The following SND1 variants were observed in gnomAD, a reference collection of about 807,000 sequenced individuals.
The protein encoded by SND1 is staphylococcal nuclease and tudor domain containing 1, also known as staphylococcal nuclease domain-containing protein 1.
In SND1, 38 loss-of-function variants were observed where a neutral mutation model predicts 121.7. The ratio of observed to expected loss-of-function variants is 0.31; its 90% CI spans 0.24 to 0.41. The LOEUF (loss-of-function observed/expected upper bound fraction) is 0.41, where lower values mean the gene tolerates loss of function less well. Ranked by LOEUF, SND1 falls within the 10% of genes least tolerant of loss-of-function variation. The pLI is 1.00. For missense variants in SND1, 868 were observed against 1,184.6 expected, an observed-to-expected ratio of 0.73 and a Z score of 3.92; for synonymous variants, 401 against 447.4, an observed-to-expected ratio of 0.90 and a Z score of 1.31.
At chr7:128,041,117 CA>C (rs1056905070) in intron 16 of SND1, among the ~76,000 whole-genome samples, 1 of 152,076 alleles carries the variant, frequency 6.6e-6, no homozygotes, top group African/African-American at 2.4e-5. Context: ...CATCTTTGAG[CA>C]AAAGGACAAG....
intron 10 of SND1, among the ~76,000 whole-genome samples, chr7:127,767,447 A>G (rs1445786045): frequency 6.6e-6 from 1 of 152,226 alleles, no homozygotes; most frequent in East Asian, 1.9e-4. Flanking sequence ...ATATAGTTTG[A>G]TAAAATGCAA....
At chr7:127,839,020 G>A (rs1798916960) in intron 11 of SND1, among the ~76,000 whole-genome samples, 1 of 152,188 alleles carries the variant, frequency 6.6e-6, no homozygotes, top group Non-Finnish European at 1.5e-5. Context: ...GAGAAGTTAG[G>A]TCGCTTATCT....
rs572291968 is a variant in SND1 at position 127,861,898 on chromosome 7, G to A, written c.1343+17474G>A. On this transcript the variant is annotated intron_variant, in intron 12 of 23. Transcript: ENST00000354725. The stretch of plus-strand genomic sequence containing the variant: ...TGGAGTGTATAGGCAGAGCATGGCC[G>A]TGTCCACCTGTGCCAGGTTTTTGTT... Among the ~76,000 whole-genome samples the A allele has an allele frequency of 2.6e-4, 39 of 152,334 alleles. 1 individual carries two copies. Among genetic ancestry groups the A allele is most frequent in the African/African-American group, 6.5e-4 (27 of 41,576 alleles).
At chr7:127,888,048 A>G (rs1799944029) in intron 13 of SND1, 36 bp downstream of exon 13, 1 of 1,451,382 alleles carries the variant, frequency 6.9e-7, no homozygotes. Context: ...TGGGGAACCC[A>G]CACCCTCACT....
intron 12 of SND1, chr7:127,858,148 G>A: frequency 1.2e-6 from 1 of 835,394 alleles, no homozygotes; most frequent in Non-Finnish European, 2.1e-6. Flanking sequence ...TGGGGGTGTG[G>A]GATTGTGGGG....
chr7:127,656,154 A>G (rs1262413938), intron 1 of SND1, among the ~76,000 whole-genome samples: 2 of 152,172 alleles, frequency 1.3e-5, no homozygotes, highest in Non-Finnish European at 2.9e-5. Flanking sequence ...TTCTCCTTCA[A>G]TGGGACTTGT....
At chr7:127,903,938 T>A (rs1486461713) in intron 13 of SND1, among the ~76,000 whole-genome samples, 4 of 152,214 alleles carry the variant, frequency 2.6e-5, no homozygotes, top group African/African-American at 9.6e-5. Flanking sequence ...CTCAGAACTC[T>A]TACCTGCTGA....
chr7:127,684,145 T>C (rs1345200809), intron 1 of SND1, among the ~76,000 whole-genome samples: 4 of 152,196 alleles, frequency 2.6e-5, no homozygotes, highest in Admixed American at 2.6e-4. Context: ...CTCAGTTTGA[T>C]TTGTCAGGCT....
At chr7:127,772,533 A>G (rs1797533254) in intron 10 of SND1, among the ~76,000 whole-genome samples, 2 of 145,914 alleles carry the variant, frequency 1.4e-5, no homozygotes, top group Non-Finnish European at 1.5e-5. Context: ...GTAGAGCTCT[A>G]CTCCTAAAAC....
At chr7:127,938,505 A>G (rs1294013320) in intron 15 of SND1, among the ~76,000 whole-genome samples, 1 of 152,200 alleles carries the variant, frequency 6.6e-6, no homozygotes, top group Non-Finnish European at 1.5e-5. Context: ...TGAATGGAAA[A>G]GTTTTCCTCA....
chr7:127,839,398 C>G (rs1432854928), intron 11 of SND1, among the ~76,000 whole-genome samples: 4 of 152,302 alleles, frequency 2.6e-5, no homozygotes, highest in Non-Finnish European at 5.9e-5. Flanking sequence ...AAACTAAGCT[C>G]AGGCTACAAC....
At chr7:127,752,234 G>A (rs967502222) in intron 10 of SND1, among the ~76,000 whole-genome samples, 1 of 152,050 alleles carries the variant, frequency 6.6e-6, no homozygotes, top group Non-Finnish European at 1.5e-5. Context: ...TTCACTCTCT[G>A]TGGTGTCTTG....
In SND1 at chr7:127,887,906, A is replaced by G; in HGVS notation, c.1348A>G (p.Ile450Val). The change falls in exon 13 of 24, where the codon ATT (isoleucine) becomes GTT (valine). Residue 450 changes from isoleucine (I) to valine (V), a missense_variant. This residue lies in a region of SND1 where 743 missense variants were observed against 1,071.3 expected (regional missense o/e 0.69). Coordinates refer to ENST00000354725, the MANE Select transcript of SND1 (RefSeq NM_014390.4). ...GACCTATCTTTTCTGTTGCAGAAAC[A>G]TTGCTGAGGCTCTTGTCAGCAAAGG... is the stretch of plus-strand genomic sequence containing the variant. ...CATVTIGGIN[I>V]AEALVSKGLA... 6.2e-7 allele frequency: 1 copy of G among 1,609,932 alleles called. No individual in the cohort carries two copies. The highest frequency in any genetic ancestry group is 8.5e-7 in the Non-Finnish European group (1 of 1,177,126).
At chr7:127,718,551 C>T in intron 9 of SND1, 2 of 985,280 alleles carry the variant, frequency 2.0e-6, no homozygotes, top group Non-Finnish European at 1.2e-6. Context: ...GCTTAGCTGG[C>T]AGTGGCAGAG....
chr7:127,654,446 C>T (rs1795177242), intron 1 of SND1, among the ~76,000 whole-genome samples: 1 of 152,310 alleles, frequency 6.6e-6, no homozygotes, highest in South Asian at 2.1e-4. Flanking sequence ...GGCACATGCT[C>T]TTCAATATCA....
At chr7:127,979,085 G>A (rs1802197779) in intron 15 of SND1, among the ~76,000 whole-genome samples, 1 of 152,072 alleles carries the variant, frequency 6.6e-6, no homozygotes, top group Non-Finnish European at 1.5e-5. Context: ...AGTCTTTGTG[G>A]GCCTTATGAT....
At chr7:127,861,851 A>G (rs559361999) in intron 12 of SND1, among the ~76,000 whole-genome samples, 6 of 152,330 alleles carry the variant, frequency 3.9e-5, no homozygotes, top group African/African-American at 1.4e-4. Flanking sequence ...TGATTTTCAC[A>G]TCCAGGAACT....
At chr7:127,727,739 G>A (rs73234889) in intron 10 of SND1, among the ~76,000 whole-genome samples, 7 of 152,304 alleles carry the variant, frequency 4.6e-5, no homozygotes, top group Non-Finnish European at 8.8e-5. Flanking sequence ...TGTGGAATAT[G>A]TTAGAGGCTG....
chr7:128,016,565 T>C (rs553685299), intron 16 of SND1, among the ~76,000 whole-genome samples: 182 of 152,302 alleles, frequency 1.2e-3, no homozygotes, highest in African/African-American at 4.0e-3. Context: ...CACTGAAATG[T>C]CATGGTTACC....
Sources: gnomAD v4.1 joint callset for allele counts (sites outside exome capture counted in the v4.1 genomes callset) on GRCh38, gnomAD v4.1.1 for gene constraint, gnomAD v4.1.1 regional missense constraint, MANE v1.5 for transcripts, NCBI Gene and HGNC (gene_info 2026-07-23, HGNC 2026-07-21) for gene names.